Variants in EHMT1 observed in about 807,000 individuals in gnomAD.
EHMT1 encodes euchromatic histone lysine methyltransferase 1, also known as histone-lysine N-methyltransferase EHMT1.
A neutral mutation model predicts 147.2 loss-of-function variants in EHMT1; 15 were observed. The observed-to-expected ratio is 0.10, with a 90% CI of 0.07 to 0.16. The LOEUF is 0.16. EHMT1 is among the 10% of genes least tolerant of loss of function. The pLI is 1.00. For missense variants in EHMT1, 1,587 were observed against 1,772.4 expected (o/e 0.90, Z 1.88); for synonymous variants, 795 against 709.6 (o/e 1.12, Z -1.91).
chr9:137,667,249 G>A (rs1167973041), intron 1 of EHMT1: 1 of 152,226 alleles, frequency 6.6e-6, no homozygotes, highest in Non-Finnish European at 1.5e-5. Flanking sequence ...TGCTGATGCA[G>A]GAATGTTTTT....
chr9:137,768,288 C>G (rs1002240293), intron 10 of EHMT1, among the ~76,000 whole-genome samples: 2 of 150,742 alleles, frequency 1.3e-5, no homozygotes, highest in Non-Finnish European at 2.9e-5. Flanking sequence ...TGCAGGCTAA[C>G]ATCGTAATAG....
chr9:137,827,671 C>A (rs1955902464), intron 25 of EHMT1, among the ~76,000 whole-genome samples: 1 of 152,196 alleles, frequency 6.6e-6, no homozygotes, highest in South Asian at 2.1e-4. Flanking sequence ...ACTGACTGCC[C>A]CCCTCCACTG....
At chr9:137,817,900 A>G (rs990358776) in intron 24 of EHMT1, 160 bp from the exon 25 acceptor site, 1 of 733,012 alleles carries the variant, frequency 1.4e-6, no homozygotes, top group Admixed American at 2.1e-5. Context: ...CCTCAGCTGA[A>G]ACCCCAGTTC....
In EHMT1 at chr9:137,813,595, C is replaced by A. The variant is rs1337987333; in HGVS notation, c.3180+65C>A. 1.8e-5 allele frequency: 29 copies of A among 1,598,764 alleles called. No homozygotes were observed. The South Asian group carries it at 3.3e-4, about 18-fold the overall frequency. ...ATGGGACAGGCAGAAGCTTCTTGAG[C>A]CTGGGGTCCTGGGTTCTCACCACTC... On this transcript the variant is annotated intron_variant, in intron 21 of 26. Transcript: ENST00000460843. This position sits in a 1 kb window ranked among gnomAD's most constrained non-coding sequence, Gnocchi z 4.9.
chr9:137,703,431 C>A (rs1043937071), intron 1 of EHMT1, among the ~76,000 whole-genome samples: 2 of 152,304 alleles, frequency 1.3e-5, no homozygotes, highest in Admixed American at 6.5e-5. Context: ...ATACTCTCTT[C>A]GTGCACGCAT....
chr9:137,722,338 T>A (rs1383911216), intron 3 of EHMT1, among the ~76,000 whole-genome samples: 1 of 152,238 alleles, frequency 6.6e-6, no homozygotes, highest in Admixed American at 6.5e-5. Context: ...GTAATTAAAG[T>A]GTAATTGATT....
chr9:137,742,575 A>G (rs1375362557), intron 4 of EHMT1, among the ~76,000 whole-genome samples: 1 of 152,126 alleles, frequency 6.6e-6, no homozygotes, highest in African/African-American at 2.4e-5. Context: ...GAGTCTGATT[A>G]TATAAAACCA....
chr9:137,810,479 ATTC>A (rs1954378781), intron 18 of EHMT1, among the ~76,000 whole-genome samples: 1 of 152,166 alleles, frequency 6.6e-6, no homozygotes, highest in Non-Finnish European at 1.5e-5. Flanking sequence ...TCTGATTTAT[ATTC>A]TTGGCTGCCT....
intron 17 of EHMT1, among the ~76,000 whole-genome samples, chr9:137,799,129 C>T (rs1482236694): frequency 2.9e-5 from 3 of 104,934 alleles, no homozygotes; most frequent in East Asian, 2.2e-4. Flanking sequence ...GGCCCTCCAG[C>T]GTCCTCTTCC....
rs1952081845 is a variant in EHMT1 at position 137,787,565 on chromosome 9, T to G, written c.2383-3283T>G. 2.2e-6 allele frequency: 1 copy of G among 447,452 alleles called. No individual in the cohort carries two copies. Among genetic ancestry groups the G allele is most frequent in the African/African-American group, 2.0e-5 (1 of 49,926 alleles). 27.7% of individuals were successfully genotyped at this position (447,452 alleles called of 1,614,324 possible). On this transcript the variant is annotated intron_variant, in intron 15 of 26. Coordinates refer to ENST00000460843, the MANE Select transcript of EHMT1 (RefSeq NM_024757.5). The surrounding 1 kb of genome is among the most constrained non-coding windows in gnomAD (Gnocchi z 4.2). The stretch of plus-strand genomic sequence containing the variant: ...CTCCCAGCAAGGCTGCTGCCTGGTG[T>G]TTCGAGGCTGCTGTGGTCGCAGACA...
At chr9:137,723,214 CG>C (rs1439920084) in intron 3 of EHMT1, among the ~76,000 whole-genome samples, 1 of 77,280 alleles carries the variant, frequency 1.3e-5, no homozygotes, top group African/African-American at 5.1e-5. Flanking sequence ...GGCCTGAGCC[CG>C]GGGTGTGCCT....
chr9:137,651,159 C>T (rs1937771395), intron 1 of EHMT1: 1 of 152,144 alleles, frequency 6.6e-6, no homozygotes, highest in Admixed American at 6.6e-5. Flanking sequence ...GCCACTGCAC[C>T]CAGGCAGATG....
rs1947109198 is a variant in EHMT1, at chr9:137,731,522, T to C, written c.823+2993T>C. On this transcript the variant is annotated intron_variant, in intron 4 of 26. Transcript: ENST00000460843. This position sits in a 1 kb window ranked among gnomAD's most constrained non-coding sequence, Gnocchi z 4.3. The stretch of plus-strand genomic sequence containing the variant: ...TCCCCGGGGGTGCAGAGTCCACTTA[T>C]CGGGATGGCAGAGAGAGACAAAGGC... Among the ~76,000 whole-genome samples, 1 of 152,112 alleles carries C rather than the reference T, an allele frequency of 6.6e-6. No individual in the cohort carries two copies. The highest frequency in any genetic ancestry group is 1.5e-5 in the Non-Finnish European group (1 of 68,014).
chr9:137,807,150 C>G (rs1042008968), intron 18 of EHMT1, among the ~76,000 whole-genome samples: 1 of 152,172 alleles, frequency 6.6e-6, no homozygotes, highest in Non-Finnish European at 1.5e-5. Context: ...ATAATGTTTT[C>G]TGCCCACCAC....
intron 1 of EHMT1, among the ~76,000 whole-genome samples, chr9:137,691,128 C>T (rs1362665777): frequency 6.6e-6 from 1 of 151,994 alleles, no homozygotes; most frequent in African/African-American, 2.4e-5. Flanking sequence ...TCTTGGCACC[C>T]ACCTTTCTAT....
At chr9:137,642,806 A>G (rs1297800120) in intron 1 of EHMT1, among the ~76,000 whole-genome samples, 1 of 152,226 alleles carries the variant, frequency 6.6e-6, no homozygotes, top group African/African-American at 2.4e-5. Flanking sequence ...AAATTAACAA[A>G]TACATTTATA....
intron 18 of EHMT1, among the ~76,000 whole-genome samples, chr9:137,807,357 C>A (rs1218211991): frequency 6.6e-6 from 1 of 152,194 alleles, no homozygotes; most frequent in Non-Finnish European, 1.5e-5. Context: ...TGTGTGCTTA[C>A]ATTCTAGGCA....
At chr9:137,694,003 G>C (rs1470590662) in intron 1 of EHMT1, among the ~76,000 whole-genome samples, 40 of 113,782 alleles carry the variant, frequency 3.5e-4, no homozygotes, top group Non-Finnish European at 6.3e-4. Context: ...GGCGCAGGAC[G>C]CTGGCCAATA....
chr9:137,718,760 C>CTTTTTTTT (rs780405612), intron 3 of EHMT1, among the ~76,000 whole-genome samples: 1 of 136,306 alleles, frequency 7.3e-6, no homozygotes, highest in African/African-American at 2.9e-5. Flanking sequence ...TTTTCTTTTT[C>CTTTTTTTT]TTTTTTTTTT....
Sources: allele counts gnomAD v4.1 joint callset (sites outside exome capture counted in the v4.1 genomes callset), GRCh38; gene constraint gnomAD v4.1.1; non-coding constraint Gnocchi (gnomAD v3.1); transcripts MANE v1.5; gene names NCBI Gene and HGNC (gene_info 2026-07-23, HGNC 2026-07-21).